Variants in DOCK5 observed in about 807,000 individuals in gnomAD.
The protein encoded by DOCK5 is dedicator of cytokinesis 5.
A neutral mutation model predicts 251.8 loss-of-function variants in DOCK5; 142 were observed. The observed-to-expected ratio is 0.56, with a 90% CI of 0.49 to 0.65. The LOEUF (loss-of-function observed/expected upper bound fraction) is 0.65. Ranked by LOEUF, DOCK5 falls within the 30% of genes least tolerant of loss-of-function variation. DOCK5 has a pLI of 0.00. For synonymous variants in DOCK5, 842 were observed against 835.5 expected (o/e 1.01, Z -0.13); for missense variants, 2,111 against 2,312.3 (o/e 0.91, Z 1.79).
intron 1 of DOCK5, among the ~76,000 whole-genome samples, chr8:25,219,945 A>G (rs1350254379): frequency 6.6e-6 from 1 of 151,280 alleles, no homozygotes; most frequent in Non-Finnish European, 1.5e-5. Flanking sequence ...CTCATTTTGT[A>G]TATTCTTTGT....
At position 25,346,591 on chromosome 8, in the gene DOCK5, C is replaced by T. The variant is rs951475972; in HGVS notation, c.2754+980C>T. On this transcript the variant is annotated intron_variant, in intron 26 of 51. Transcript: ENST00000276440. ...CTGTAACCCCAGCACTTTGGGAGGC[C>T]GAGGTGGATGGATCACGAGGTCAGG... Among the ~76,000 whole-genome samples, 6 of 97,702 alleles carry T rather than the reference C, an allele frequency of 6.1e-5. 2 individuals carry two copies. Among genetic ancestry groups the T allele is most frequent in the Admixed American group, 3.9e-4 (4 of 10,264 alleles). The allele number at this position is 97,702 out of a possible 152,430, so 64.1% of individuals were successfully genotyped here.
intron 5 of DOCK5, among the ~76,000 whole-genome samples, chr8:25,280,487 A>G (rs966686572): frequency 5.3e-5 from 8 of 152,230 alleles, no homozygotes; most frequent in African/African-American, 1.9e-4. Flanking sequence ...TAATCACAGC[A>G]GTAGAAATCA....
intron 13 of DOCK5, among the ~76,000 whole-genome samples, chr8:25,311,177 A>G (rs917300365): frequency 3.3e-5 from 5 of 152,216 alleles, no homozygotes; most frequent in African/African-American, 1.2e-4. Flanking sequence ...CATACTAAGA[A>G]AAGGGAATTG....
At chr8:25,305,240 T>C (rs935167359) in intron 11 of DOCK5, 3 of 149,814 alleles carry the variant, frequency 2.0e-5, no homozygotes, top group Non-Finnish European at 4.4e-5. Context: ...TGAGTTAATA[T>C]ATCACTTTTT....
intron 8 of DOCK5, 91 bp from the exon 9 acceptor site, chr8:25,300,485 C>A: frequency 1.7e-6 from 2 of 1,173,416 alleles, no homozygotes; most frequent in Admixed American, 2.3e-5. Context: ...TCTGGCCTTT[C>A]CTCCTTCCCT....
intron 3 of DOCK5, chr8:25,270,683 T>C (rs987511871): frequency 2.1e-6 from 1 of 466,784 alleles, no homozygotes; most frequent in Non-Finnish European, 3.9e-6. Context: ...AGATCAGGTC[T>C]TCTTTTTCAT....
intron 40 of DOCK5, chr8:25,388,731 G>C (rs1672710763): frequency 5.0e-6 from 1 of 199,336 alleles, no homozygotes; most frequent in African/African-American, 2.3e-5. Context: ...CCTTAAGAAT[G>C]TCTTGCCATG....
chr8:25,296,393 C>T, intron 6 of DOCK5, 120 bp from the exon 7 acceptor site: 1 of 1,315,872 alleles, frequency 7.6e-7, no homozygotes, highest in Non-Finnish European at 1.0e-6. Context: ...GTGTGCTTCC[C>T]TGGGCTTGTC....
chr8:25,297,958 G>A (rs1804661781), intron 7 of DOCK5, among the ~76,000 whole-genome samples: 1 of 151,600 alleles, frequency 6.6e-6, no homozygotes, highest in Admixed American at 6.6e-5. Flanking sequence ...CCAGGAGGCT[G>A]AGGCAGGAGG....
At chr8:25,368,477 C>CCTTTT in intron 32 of DOCK5, 94 bp from the exon 33 acceptor site, 2 of 1,416,962 alleles carry the variant, frequency 1.4e-6, no homozygotes, top group Non-Finnish European at 1.9e-6. Flanking sequence ...GTTGTTTTAA[C>CCTTTT]CTTTTCTTTT....
chr8:25,310,734 C>G (rs1805069870), intron 13 of DOCK5, among the ~76,000 whole-genome samples: 1 of 152,118 alleles, frequency 6.6e-6, no homozygotes, highest in Non-Finnish European at 1.5e-5. Context: ...ATATAAAAAC[C>G]TCTGCTCTGA....
chr8:25,306,964 C>T (rs958069673), intron 11 of DOCK5, among the ~76,000 whole-genome samples: 4 of 152,144 alleles, frequency 2.6e-5, no homozygotes, highest in Non-Finnish European at 4.4e-5. Flanking sequence ...TAAACCTGTC[C>T]AGCAAGCTAC....
rs533069488 is a variant in DOCK5 at position 25,225,346 on chromosome 8, A to T, written c.44-18328A>T. On this transcript the variant is annotated intron_variant, in intron 1 of 51. Coordinates refer to ENST00000276440, the MANE Select transcript of DOCK5 (RefSeq NM_024940.8). ...AATAGCAAAACATGGAAGCAACAAA[A>T]TTGTGTACAGATGAATGGAGAAATA... 1.2e-3 allele frequency among the ~76,000 whole-genome samples: 179 copies of T among 152,346 alleles called. 1 individual carries two copies. The highest frequency in any genetic ancestry group is 3.4e-3 in the Admixed American group (52 of 15,302).
At chr8:25,334,272 G>A (rs763718240) in intron 21 of DOCK5, 76 bp downstream of exon 21, 27 of 1,185,224 alleles carry the variant, frequency 2.3e-5, no homozygotes, top group Admixed American at 3.4e-5. Flanking sequence ...GTTGAGAAAC[G>A]AGACGGACCT....
At position 25,218,362 on chromosome 8, in the gene DOCK5, G is replaced by A. The variant is rs141339835; in HGVS notation, c.44-25312G>A. On this transcript the variant is annotated intron_variant, in intron 1 of 51. Coordinates refer to ENST00000276440, the MANE Select transcript of DOCK5 (RefSeq NM_024940.8). ...CATCCCTGCAGGGCCCGGGGTGGCCGCAGAGCTCAGCTTCTGTCCTGGTTA... is the reference window on the plus strand; with the variant it reads ...CATCCCTGCAGGGCCCGGGGTGGCCACAGAGCTCAGCTTCTGTCCTGGTTA... Among the ~76,000 whole-genome samples, 12 of 152,248 alleles carry A rather than the reference G, an allele frequency of 7.9e-5. No homozygotes were observed. In the East Asian group the frequency reaches 2.1e-3, roughly 27 times the overall value.
In DOCK5 at chr8:25,206,324, T is replaced by C. The variant is rs118137675; in HGVS notation, c.43+21373T>C. 8.4e-3 allele frequency among the ~76,000 whole-genome samples: 1,275 copies of C among 152,274 alleles called. 8 individuals carry two copies. Among genetic ancestry groups the C allele is most frequent in the Middle Eastern group, 0.014 (4 of 294 alleles). On this transcript the variant is annotated intron_variant, in intron 1 of 51. Coordinates refer to ENST00000276440, the MANE Select transcript of DOCK5 (RefSeq NM_024940.8). ...ATTTTTTTTCTTCCTCTTTAACCAT[T>C]CATGCTGCAATAGTGTGCTGGTAAA...
intron 40 of DOCK5, among the ~76,000 whole-genome samples, chr8:25,387,332 T>C (rs1434318604): frequency 6.6e-6 from 1 of 152,038 alleles, no homozygotes; most frequent in Non-Finnish European, 1.5e-5. Context: ...GTGTGCACCA[T>C]CACGCCCAGT....
At chr8:25,407,881 A>G in intron 48 of DOCK5, 102 bp from the exon 49 acceptor site, 1 of 1,292,282 alleles carries the variant, frequency 7.7e-7, no homozygotes, top group Non-Finnish European at 1.0e-6. Flanking sequence ...AAAAAAAAAA[A>G]AAAAATAGCC....
chr8:25,389,119 A>T lies in DOCK5; in HGVS notation c.4160A>T (p.Glu1387Val). The T allele has an allele frequency of 6.2e-7, 1 of 1,613,930 alleles. No individual in the cohort carries two copies. The highest frequency in any genetic ancestry group is 2.2e-5 in the East Asian group (1 of 44,864). The part of the protein sequence containing the change: ...RNKIFIYRGK[E>V]YERREDFSLR... ...AAAATCTTCATCTATCGGGGAAAGG[A>T]GTATGAGAGGCGAGAGGACTTCAGC... The change falls in exon 41 of 52, where the codon GAG (glutamate) becomes GTG (valine). Residue 1387 changes from glutamate (E) to valine (V), a missense_variant. By Grantham distance (121) the Glu-to-Val change is moderately radical (BLOSUM62 -2). Coordinates refer to ENST00000276440, the MANE Select transcript of DOCK5 (RefSeq NM_024940.8).
Sources: gnomAD v4.1 joint callset for allele counts (sites outside exome capture counted in the v4.1 genomes callset) on GRCh38, gnomAD v4.1.1 for gene constraint, MANE v1.5 for transcripts, NCBI Gene and HGNC (gene_info 2026-07-23, HGNC 2026-07-21) for gene names.